Variants in SGCD observed in about 807,000 individuals in gnomAD.
SGCD encodes the protein sarcoglycan delta.
Under a neutral mutation model 36.6 loss-of-function variants are expected in SGCD, and 18 were observed. The ratio of observed to expected loss-of-function variants is 0.49; its 90% CI spans 0.34 to 0.73. SGCD has a LOEUF of 0.73. Ranked by LOEUF, SGCD falls within the 30% of genes least tolerant of loss-of-function variation. SGCD has a pLI of 0.01. For synonymous variants in SGCD, 133 were observed against 130.6 expected, an observed-to-expected ratio of 1.02 and a Z score of -0.12; for missense variants, 387 against 346.7, an observed-to-expected ratio of 1.12 and a Z score of -0.92.
chr5:156,323,593 A>G (rs1767729291), upstream of SGCD, among the ~76,000 whole-genome samples: 1 of 152,200 alleles, frequency 6.6e-6, no homozygotes. Context: ...GCCCGCATGG[A>G]GCTTATATTC....
chr5:156,630,356 G>C (rs1396192065), intron 6 of SGCD, among the ~76,000 whole-genome samples: 1 of 152,140 alleles, frequency 6.6e-6, no homozygotes, highest in East Asian at 1.9e-4. Flanking sequence ...TGGACAGATG[G>C]ACAAATGGAT....
chr5:156,441,997 G>C (rs186321298), intron 3 of SGCD, among the ~76,000 whole-genome samples: 1 of 152,270 alleles, frequency 6.6e-6, no homozygotes, highest in Admixed American at 6.5e-5. Context: ...GTAGCAGGCA[G>C]CTGTTTGGGA....
At chr5:155,972,620 G>A (rs1758029035) in intron 1 of SGCD, among the ~76,000 whole-genome samples, 1 of 152,032 alleles carries the variant, frequency 6.6e-6, no homozygotes, top group South Asian at 2.1e-4. Flanking sequence ...CTTCTGAAGT[G>A]GTTTTGATCA....
intron 3 of SGCD, among the ~76,000 whole-genome samples, chr5:156,215,298 C>A (rs535948284): frequency 6.6e-6 from 1 of 151,958 alleles, no homozygotes; most frequent in East Asian, 1.9e-4. Flanking sequence ...GGGTATTAGC[C>A]CAAAGCACAG....
At chr5:156,511,299 T>C (rs1194871046) in intron 4 of SGCD, among the ~76,000 whole-genome samples, 2 of 152,238 alleles carry the variant, frequency 1.3e-5, no homozygotes, top group African/African-American at 4.8e-5. Context: ...ACCTGAAACC[T>C]GTGCCCAAAT....
At chr5:156,316,025 T>A (rs941942018) in intron 3 of SGCD, among the ~76,000 whole-genome samples, 1 of 151,910 alleles carries the variant, frequency 6.6e-6, no homozygotes. Context: ...AAGGAAGAAG[T>A]AGAACTGTCT....
chr5:156,670,208 C>T (rs1292290207), intron 7 of SGCD, among the ~76,000 whole-genome samples: 1 of 152,102 alleles, frequency 6.6e-6, no homozygotes, highest in Non-Finnish European at 1.5e-5. Flanking sequence ...GTGCTTTTAT[C>T]CATGTGGTCA....
intron 3 of SGCD, among the ~76,000 whole-genome samples, chr5:156,493,751 A>G (rs1213718476): frequency 6.6e-6 from 1 of 152,172 alleles, no homozygotes; most frequent in Non-Finnish European, 1.5e-5. Context: ...TACCCAGGGA[A>G]GAAAGCAGCC....
At chr5:155,877,244 A>T (rs1402182481) in intron 1 of SGCD, among the ~76,000 whole-genome samples, 1 of 152,100 alleles carries the variant, frequency 6.6e-6, no homozygotes, top group Non-Finnish European at 1.5e-5. Flanking sequence ...CCACATCCGT[A>T]AGCCCAGGTT....
At chr5:156,297,597 A>G (rs1766928682) in intron 3 of SGCD, among the ~76,000 whole-genome samples, 1 of 128,260 alleles carries the variant, frequency 7.8e-6, no homozygotes, top group South Asian at 2.5e-4. Context: ...ATGAGATCAC[A>G]TGGACACATG....
rs181449675 is a variant in SGCD at position 155,982,884 on chromosome 5, A to G, written c.-282+112460A>G. Reference sequence around the variant, plus strand: ...AAACAGAGGATGTGTGGTTTTCTCTACTTAACACAGTCCTAAGTTTTGTAG... The same window carrying G: ...AAACAGAGGATGTGTGGTTTTCTCTGCTTAACACAGTCCTAAGTTTTGTAG... On this transcript the variant is annotated intron_variant, in intron 1 of 9. Coordinates refer to the SGCD transcript ENST00000517913. 1.6e-3 allele frequency among the ~76,000 whole-genome samples: 251 copies of G among 152,250 alleles called. 1 individual carries two copies. The highest frequency in any genetic ancestry group is 2.8e-3 in the Non-Finnish European group (193 of 68,018).
upstream of SGCD, among the ~76,000 whole-genome samples, chr5:155,869,010 GA>G (rs1443972986): frequency 1.3e-5 from 2 of 152,186 alleles, no homozygotes; most frequent in African/African-American, 4.8e-5. Context: ...GTGAATTAAA[GA>G]AAGATTAGGA....
the SGCD span, among the ~76,000 whole-genome samples, chr5:155,812,674 C>T: frequency 2.0e-5 from 3 of 152,154 alleles, no homozygotes; most frequent in South Asian, 2.1e-4. Context: ...AAAGTATCTT[C>T]GATGGGACAT....
intron 3 of SGCD, among the ~76,000 whole-genome samples, chr5:156,389,825 T>G (rs1446352743): frequency 6.6e-6 from 1 of 152,146 alleles, no homozygotes; most frequent in Non-Finnish European, 1.5e-5. Flanking sequence ...TTTCTGTGCC[T>G]CAGTTTCTTC....
At chr5:156,310,231 A>T (rs1767355713) in intron 3 of SGCD, among the ~76,000 whole-genome samples, 1 of 152,222 alleles carries the variant, frequency 6.6e-6, no homozygotes, top group Non-Finnish European at 1.5e-5. Context: ...GAAAATAAAA[A>T]GAAATATAAA....
chr5:155,977,596 C>T (rs1018149279), intron 1 of SGCD, among the ~76,000 whole-genome samples: 1 of 152,174 alleles, frequency 6.6e-6, no homozygotes. Context: ...CCCTTCGTGG[C>T]CTCCATGTGT....
chr5:156,114,036 G>C (rs926879498), intron 1 of SGCD, among the ~76,000 whole-genome samples: 2 of 152,050 alleles, frequency 1.3e-5, no homozygotes, highest in African/African-American at 2.4e-5. Flanking sequence ...GAATTTTTAG[G>C]GCAGAGAAAC....
intron 3 of SGCD, among the ~76,000 whole-genome samples, chr5:156,171,467 T>C (rs1475342172): frequency 6.6e-6 from 1 of 152,234 alleles, no homozygotes; most frequent in East Asian, 1.9e-4. Context: ...ACCTGGGTTA[T>C]ACTAAATATA....
chr5:156,401,633 A>G (rs534395152), intron 3 of SGCD, among the ~76,000 whole-genome samples: 1 of 152,310 alleles, frequency 6.6e-6, no homozygotes, highest in African/African-American at 2.4e-5. Context: ...AGAACTCACT[A>G]TGTGCCAGGC....
Sources: allele counts gnomAD v4.1 joint callset (sites outside exome capture counted in the v4.1 genomes callset), GRCh38; gene constraint gnomAD v4.1.1; transcripts MANE v1.5; gene names NCBI Gene and HGNC (gene_info 2026-07-23, HGNC 2026-07-21).